The following CPQ variants were observed in gnomAD, a reference collection of about 807,000 sequenced individuals.
CPQ encodes the protein carboxypeptidase Q, also known as Ser-Met dipeptidase.
Under a neutral mutation model 45.7 loss-of-function variants are expected in CPQ, and 37 were observed. The ratio of observed to expected loss-of-function variants is 0.81; its 90% confidence interval spans 0.62 to 1.07. The LOEUF (loss-of-function observed/expected upper bound fraction) is 1.07, where lower values mean the gene tolerates loss of function less well. CPQ is among the 50% of genes least tolerant of loss of function. CPQ has a pLI of 0.00. For synonymous variants in CPQ, 186 were observed against 205.8 expected, an observed-to-expected ratio of 0.90 and a Z score of 0.82; for missense variants, 537 against 572.9, an observed-to-expected ratio of 0.94 and a Z score of 0.64.
intron 2 of CPQ, among the ~76,000 whole-genome samples, chr8:96,789,333 T>A (rs1404867294): frequency 6.6e-6 from 1 of 152,212 alleles, no homozygotes; most frequent in Non-Finnish European, 1.5e-5. Flanking sequence ...ACCTGGTCAT[T>A]CATTTGTTTA....
intron 2 of CPQ, among the ~76,000 whole-genome samples, chr8:96,834,635 G>A (rs2130848240): frequency 6.6e-6 from 1 of 152,258 alleles, no homozygotes; most frequent in East Asian, 1.9e-4. Context: ...AAAAATAAAT[G>A]ATTAGCATCA....
chr8:96,735,082 A>C (rs577871930), intron 1 of CPQ, among the ~76,000 whole-genome samples: 1 of 151,802 alleles, frequency 6.6e-6, no homozygotes, highest in East Asian at 1.9e-4. Flanking sequence ...TTTGGGCCCC[A>C]TCCTGTATGT....
Position 96,682,146 on chromosome 8 carries a change from A to G in CPQ, c.-35+36744A>G, listed in dbSNP as rs552047287. Among the ~76,000 whole-genome samples, 3 of 152,190 alleles carry G rather than the reference A, an allele frequency of 2.0e-5. No individual in the cohort carries two copies. The East Asian group carries it at 5.8e-4, about 30-fold the overall frequency. On this transcript the variant is annotated intron_variant, in intron 1 of 7. Coordinates refer to ENST00000220763, the MANE Select transcript of CPQ (RefSeq NM_016134.4). ...GCATGATTTGTTTTGAAATATGAGG[A>G]CATGAGATTTGGGAGGGGCCAGGGC...
intron 2 of CPQ, among the ~76,000 whole-genome samples, chr8:96,807,294 G>A (rs1245963011): frequency 6.6e-6 from 1 of 151,874 alleles, no homozygotes; most frequent in Non-Finnish European, 1.5e-5. Context: ...GGAGTGCAGT[G>A]GTGCAATCTC....
chr8:96,737,474 G>A (rs752091155), intron 1 of CPQ, among the ~76,000 whole-genome samples: 1 of 151,714 alleles, frequency 6.6e-6, no homozygotes, highest in East Asian at 1.9e-4. Context: ...TGAAGAACTT[G>A]TAGTCCATTG....
At chr8:96,903,783 A>G (rs889140660) in intron 4 of CPQ, among the ~76,000 whole-genome samples, 1 of 152,194 alleles carries the variant, frequency 6.6e-6, no homozygotes, top group Non-Finnish European at 1.5e-5. Context: ...TGTCTTCTGC[A>G]AAGTTCCTTA....
intron 1 of CPQ, among the ~76,000 whole-genome samples, chr8:96,701,539 A>T (rs111819529): frequency 0.024 from 3,694 of 152,288 alleles, 167 homozygotes; most frequent in African/African-American, 0.084. Context: ...AATTTGGAAG[A>T]TTAAATGTAT....
intron 3 of CPQ, among the ~76,000 whole-genome samples, chr8:96,841,149 A>G (rs1248910123): frequency 6.6e-6 from 1 of 152,110 alleles, no homozygotes; most frequent in Non-Finnish European, 1.5e-5. Context: ...AGGGGTCGGG[A>G]GAGGGAGCTG....
intron 2 of CPQ, among the ~76,000 whole-genome samples, chr8:96,829,407 AT>A (rs944473113): frequency 1.3e-5 from 2 of 151,864 alleles, no homozygotes; most frequent in African/African-American, 4.8e-5. Context: ...CTGAGTTTTA[AT>A]TTTTTTCCCT....
At chr8:96,799,461 T>A (rs1481477512) in intron 2 of CPQ, among the ~76,000 whole-genome samples, 2 of 152,212 alleles carry the variant, frequency 1.3e-5, no homozygotes, top group African/African-American at 4.8e-5. Context: ...TTCAGTATTT[T>A]TTTTTTAGGG....
intron 1 of CPQ, among the ~76,000 whole-genome samples, chr8:96,748,644 G>A (rs2130784147): frequency 6.6e-6 from 1 of 151,996 alleles, no homozygotes; most frequent in Middle Eastern, 3.4e-3. Flanking sequence ...TTAACTGTTT[G>A]CTACCTCTTT....
chr8:96,743,629 G>T (rs1373709284), intron 1 of CPQ, among the ~76,000 whole-genome samples: 3 of 152,048 alleles, frequency 2.0e-5, no homozygotes, highest in Non-Finnish European at 2.9e-5. Context: ...GGTCTTTGAT[G>T]ATGGTGATGT....
intron 3 of CPQ, among the ~76,000 whole-genome samples, chr8:96,866,916 G>T (rs1485357138): frequency 6.6e-6 from 1 of 152,044 alleles, no homozygotes; most frequent in Non-Finnish European, 1.5e-5. Context: ...TTTTACCAAT[G>T]TCCTGTTTAT....
At position 96,679,227 on chromosome 8, in the gene CPQ, T is replaced by C. The variant is rs534793307; in HGVS notation, c.-35+33825T>C. On this transcript the variant is annotated intron_variant, in intron 1 of 7. Coordinates refer to ENST00000220763, the MANE Select transcript of CPQ (RefSeq NM_016134.4). ...CTGTTGATGTGATGTATCATATTTA[T>C]TGTTGGTGTTGAACAATCCTTGCAT... Among the ~76,000 whole-genome samples, 6 of 152,282 alleles carry C rather than the reference T, an allele frequency of 3.9e-5. No homozygotes were observed. In the East Asian group the frequency reaches 1.2e-3, roughly 29 times the overall value.
At chr8:96,856,645 A>T (rs1811855535) in intron 3 of CPQ, among the ~76,000 whole-genome samples, 1 of 152,150 alleles carries the variant, frequency 6.6e-6, no homozygotes, top group Admixed American at 6.5e-5. Flanking sequence ...CCAGGCCTGT[A>T]CTAAGGCTGA....
chr8:97,047,378 A>T (rs777551206), intron 6 of CPQ, among the ~76,000 whole-genome samples: 4 of 152,244 alleles, frequency 2.6e-5, no homozygotes, highest in Admixed American at 6.5e-5. Context: ...ACTGAAGGAC[A>T]TACATAGCAG....
intron 6 of CPQ, among the ~76,000 whole-genome samples, chr8:97,061,662 CAT>C (rs571583359): frequency 2.0e-3 from 300 of 152,260 alleles, no homozygotes; most frequent in African/African-American, 3.7e-3. Context: ...AGACGTTACA[CAT>C]AGTGTCTGGC....
intron 5 of CPQ, among the ~76,000 whole-genome samples, chr8:97,014,057 A>G (rs1301117675): frequency 1.3e-5 from 2 of 152,318 alleles, no homozygotes; most frequent in African/African-American, 2.4e-5. Flanking sequence ...GGGATGATTA[A>G]AGGTTTTCAT....
intron 4 of CPQ, among the ~76,000 whole-genome samples, chr8:96,957,838 C>CTT (rs796118046): frequency 5.6e-5 from 8 of 142,192 alleles, no homozygotes; most frequent in African/African-American, 1.8e-4. Flanking sequence ...GTACCAAATG[C>CTT]TTTTTTTTTT....
Sources: allele counts gnomAD v4.1 joint callset (sites outside exome capture counted in the v4.1 genomes callset), GRCh38; gene constraint gnomAD v4.1.1; transcripts MANE v1.5; gene names NCBI Gene and HGNC (gene_info 2026-07-23, HGNC 2026-07-21).